Variants in XYLB observed in about 807,000 individuals in gnomAD.
XYLB encodes xylulokinase.
Under a neutral mutation model 78.7 loss-of-function variants are expected in XYLB, and 62 were observed. The observed-to-expected ratio is 0.79, with a 90% CI of 0.64 to 0.97. The LOEUF (loss-of-function observed/expected upper bound fraction) is 0.97, where lower values mean the gene tolerates loss of function less well. Ranked by LOEUF, XYLB falls within the 50% of genes least tolerant of loss-of-function variation. XYLB has a pLI of 0.00. For synonymous variants in XYLB, 245 were observed against 247.4 expected, an observed-to-expected ratio of 0.99 and a Z score of 0.09; for missense variants, 687 against 676.8, an observed-to-expected ratio of 1.02 and a Z score of -0.17.
At chr3:38,434,788 A>G in the XYLB span, among the ~76,000 whole-genome samples, 1 of 152,254 alleles carries the variant, frequency 6.6e-6, no homozygotes, top group African/African-American at 2.4e-5. Context: ...AGCCTCATAT[A>G]TCAATAATAA....
At chr3:38,381,356 C>T (rs116250088) in intron 15 of XYLB, among the ~76,000 whole-genome samples, 3,566 of 152,188 alleles carry the variant, frequency 0.023, 54 homozygotes, top group Non-Finnish European at 0.033. Context: ...GAGGATATAT[C>T]GCCTCAGGAC....
the XYLB span, among the ~76,000 whole-genome samples, chr3:38,445,379 G>A: frequency 1.3e-5 from 2 of 152,176 alleles, no homozygotes; most frequent in African/African-American, 2.4e-5. Context: ...AGGGAACAGA[G>A]TCATGAAATT....
rs2268751 is a variant in XYLB, at chr3:38,383,970, C to A, written c.1291+4628C>A. ...AGAACCAAAGTTTGTCAGAAGTCAT[C>A]TTTGTGGTGCTGCGTATGATGGCCA... On this transcript the variant is annotated intron_variant, in intron 15 of 18. Coordinates refer to ENST00000207870, the MANE Select transcript of XYLB (RefSeq NM_005108.4). 0.012 allele frequency among the ~76,000 whole-genome samples: 1,771 copies of A among 152,210 alleles called. 146 individuals carry two copies. In the East Asian group the frequency reaches 0.21, roughly 18 times the overall value.
At chr3:38,370,417 A>G in intron 9 of XYLB, 1 of 384,768 alleles carries the variant, frequency 2.6e-6, no homozygotes, top group Non-Finnish European at 4.6e-6. Flanking sequence ...GACTTTGGAA[A>G]ATTCCACTAG....
At chr3:38,418,776 T>G (rs1708882372), downstream of XYLB, among the ~76,000 whole-genome samples, 1 of 151,464 alleles carries the variant, frequency 6.6e-6, no homozygotes, top group African/African-American at 2.5e-5. Context: ...TGTTTTGTGA[T>G]AAAATGTGTG....
chr3:38,356,048 G>A (rs979169647), intron 2 of XYLB: 9 of 402,460 alleles, frequency 2.2e-5, no homozygotes, highest in East Asian at 4.1e-5. Flanking sequence ...TCAGGAGATC[G>A]AGACCATCCT....
At chr3:38,431,813 T>C in the XYLB span, among the ~76,000 whole-genome samples, 1 of 152,052 alleles carries the variant, frequency 6.6e-6, no homozygotes, top group Non-Finnish European at 1.5e-5. Context: ...CAGCACTGAG[T>C]GAAGGGGAAG....
Position 38,392,674 on chromosome 3 carries a change from T to C in XYLB, c.1292-2831T>C, listed in dbSNP as rs138948136. On this transcript the variant is annotated intron_variant, in intron 15 of 18. Coordinates refer to ENST00000207870, the MANE Select transcript of XYLB (RefSeq NM_005108.4). ...TTGGCTATGTACATTCTTTCCCATT[T>C]TTCTATTTGATTTCCTATCTTTCTC... is the stretch of plus-strand genomic sequence containing the variant. Among the ~76,000 whole-genome samples the C allele has an allele frequency of 7.9e-5, 12 of 152,320 alleles. No homozygotes were observed. The East Asian group carries it at 1.2e-3, about 15-fold the overall frequency.
At chr3:38,365,335 A>T (rs372504572) in intron 5 of XYLB, 50 bp downstream of exon 5, 1 of 1,582,392 alleles carries the variant, frequency 6.3e-7, no homozygotes, top group Non-Finnish European at 8.7e-7. Flanking sequence ...CAGAGTCCCA[A>T]GTCCTGTGGG....
the XYLB span, among the ~76,000 whole-genome samples, chr3:38,446,872 G>A: frequency 6.6e-6 from 1 of 152,170 alleles, no homozygotes; most frequent in Non-Finnish European, 1.5e-5. Context: ...AAGAATTTAT[G>A]ACTAAGACCT....
chr3:38,430,225 C>T, the XYLB span, among the ~76,000 whole-genome samples: 2 of 152,176 alleles, frequency 1.3e-5, no homozygotes, highest in Non-Finnish European at 2.9e-5. Flanking sequence ...CTGTTGTTTC[C>T]TGACTTTTTA....
chr3:38,393,837 A>G (rs1003757635), intron 15 of XYLB, among the ~76,000 whole-genome samples: 1 of 152,180 alleles, frequency 6.6e-6, no homozygotes, highest in Admixed American at 6.5e-5. Flanking sequence ...TAAAGAGGTA[A>G]TATCTGTCTT....
chr3:38,452,545 C>T, the XYLB span: 1 of 152,192 alleles, frequency 6.6e-6, no homozygotes, highest in African/African-American at 2.4e-5. Flanking sequence ...AGCGATTCTC[C>T]TGCCTCAGCC....
At chr3:38,440,882 C>A in the XYLB span, among the ~76,000 whole-genome samples, 1 of 152,016 alleles carries the variant, frequency 6.6e-6, no homozygotes. Flanking sequence ...CTCTCTCTCT[C>A]TCACTCCCTT....
downstream of XYLB, among the ~76,000 whole-genome samples, chr3:38,426,211 C>T (rs890245193): frequency 6.6e-6 from 1 of 152,170 alleles, no homozygotes. Flanking sequence ...GTGGAATTCC[C>T]AAACTAATAT....
chr3:38,402,503 G>A (rs1439797045), intron 18 of XYLB, among the ~76,000 whole-genome samples: 1 of 152,178 alleles, frequency 6.6e-6, no homozygotes, highest in Non-Finnish European at 1.5e-5. Flanking sequence ...GTTTGTGAGA[G>A]GCTATTTTTC....
intron 2 of XYLB, among the ~76,000 whole-genome samples, chr3:38,358,431 G>A (rs1443106476): frequency 6.8e-6 from 1 of 146,354 alleles, no homozygotes; most frequent in African/African-American, 2.5e-5. Flanking sequence ...TGCATCCTCC[G>A]CCTCCTGGGT....
chr3:38,395,269 A>G (rs1415899474), intron 15 of XYLB, among the ~76,000 whole-genome samples: 1 of 152,198 alleles, frequency 6.6e-6, no homozygotes, highest in Non-Finnish European at 1.5e-5. Flanking sequence ...AGATATTTAA[A>G]ACAAAAAAAG....
the XYLB span, among the ~76,000 whole-genome samples, chr3:38,432,824 C>G: frequency 5.9e-5 from 9 of 152,346 alleles, no homozygotes; most frequent in East Asian, 1.7e-3. Flanking sequence ...GGGCACAGCC[C>G]CACTCTTGGC....
Sources: allele counts gnomAD v4.1 joint callset (sites outside exome capture counted in the v4.1 genomes callset), GRCh38; gene constraint gnomAD v4.1.1; transcripts MANE v1.5; gene names NCBI Gene and HGNC (gene_info 2026-07-23, HGNC 2026-07-21).